The following TIMMDC1 variants were observed in gnomAD, a reference collection of about 807,000 sequenced individuals.
TIMMDC1 encodes the protein translocase of inner mitochondrial membrane domain containing 1.
TIMMDC1 carries 25 observed loss-of-function variants against 32.6 expected under a neutral mutation model. The observed-to-expected ratio is 0.77, with a 90% CI of 0.56 to 1.07. TIMMDC1 has a LOEUF of 1.07. TIMMDC1 is among the 50% of genes least tolerant of loss of function. TIMMDC1 has a pLI of 0.00. For synonymous variants in TIMMDC1, 130 were observed against 127.6 expected (o/e 1.02, Z -0.13); for missense variants, 329 against 349.2 (o/e 0.94, Z 0.46).
chr3:119,503,622 T>G lies in TIMMDC1; in HGVS notation c.449+2T>G. The G allele has an allele frequency of 6.3e-7, 1 of 1,599,980 alleles. No homozygotes were observed. Among genetic ancestry groups the G allele is most frequent in the Non-Finnish European group, 8.5e-7 (1 of 1,172,596 alleles). On this transcript the variant is annotated splice_donor_variant, in intron 3 of 6. Coordinates refer to ENST00000494664, the MANE Select transcript of TIMMDC1 (RefSeq NM_016589.4). LOFTEE classifies it high-confidence loss of function. Reference sequence around the variant, plus strand: ...TGCAGTGTTTGTGACTATATTCAAGTAAGTTCACTCTGAATTGTGAGATAG... The same window carrying G: ...TGCAGTGTTTGTGACTATATTCAAGGAAGTTCACTCTGAATTGTGAGATAG...
chr3:119,517,147 C>G (rs1184509566), intron 5 of TIMMDC1, 58 bp from the exon 6 acceptor site: 1 of 1,049,894 alleles, frequency 9.5e-7, no homozygotes, highest in East Asian at 2.4e-5. Flanking sequence ...GAGAATCTCA[C>G]ATGTTGCAAG....
intron 6 of TIMMDC1, among the ~76,000 whole-genome samples, chr3:119,517,877 G>T (rs912052161): frequency 6.6e-6 from 1 of 152,020 alleles, no homozygotes; most frequent in African/African-American, 2.4e-5. Context: ...GCTGAGGCAG[G>T]AGAATCACTT....
chr3:119,502,080 TGTTA>T (rs1462623958), intron 2 of TIMMDC1, among the ~76,000 whole-genome samples: 2 of 152,202 alleles, frequency 1.3e-5, no homozygotes, highest in Admixed American at 6.5e-5. Context: ...TTTGAGTACT[TGTTA>T]GTTCCTTTGA....
intron 2 of TIMMDC1, among the ~76,000 whole-genome samples, chr3:119,502,352 C>G (rs1033231361): frequency 1.3e-5 from 2 of 151,954 alleles, no homozygotes; most frequent in Non-Finnish European, 2.9e-5. Context: ...GTCTCAGCCT[C>G]CCAAGTAGCT....
intron 3 of TIMMDC1, 127 bp downstream of exon 3, chr3:119,503,747 T>A (rs2081896812): frequency 2.3e-6 from 2 of 886,552 alleles, no homozygotes; most frequent in Non-Finnish European, 3.4e-6. Flanking sequence ...CCTTTTTTTT[T>A]TTTTCAAGAA....
At position 119,498,887 on chromosome 3, in the gene TIMMDC1, G is replaced by C. The variant is rs200800520; in HGVS notation, c.154G>C (p.Glu52Gln). ...LPYVPEPYYP[E>Q]SGWDRLRELF... The stretch of plus-strand genomic sequence containing the variant: ...CTACGTCCCAGAGCCCTATTACCCG[G>C]AATCTGGATGGGACCGCCTCCGGGA... The change falls in exon 1 of 7, where the codon GAA becomes CAA. Residue 52 changes from glutamate to glutamine, a missense_variant. Transcript: ENST00000494664. 9.9e-6 allele frequency: 16 copies of C among 1,614,064 alleles called. No homozygotes were observed. Among genetic ancestry groups the C allele is most frequent in the East Asian group, 6.7e-5 (3 of 44,878 alleles).
chr3:119,503,381 C>T (rs1376130168), intron 2 of TIMMDC1, 151 bp from the exon 3 acceptor site: 7 of 582,780 alleles, frequency 1.2e-5, no homozygotes, highest in Non-Finnish European at 1.8e-5. Context: ...AGCCTCAATA[C>T]TTAAAGAATA....
At chr3:119,508,274 C>G (rs72952934) in intron 4 of TIMMDC1, among the ~76,000 whole-genome samples, 16,080 of 152,080 alleles carry the variant, frequency 0.11, 2,084 homozygotes, top group African/African-American at 0.31. Flanking sequence ...AGCAATTTAT[C>G]ATTTATAGTC....
At chr3:119,519,497 T>C (rs1046250475) in intron 6 of TIMMDC1, among the ~76,000 whole-genome samples, 20 of 150,666 alleles carry the variant, frequency 1.3e-4, no homozygotes, top group African/African-American at 4.9e-4. Flanking sequence ...AATAAAAAAC[T>C]ATAAAAAGAG....
At position 119,523,642 on chromosome 3, in the gene TIMMDC1, G is replaced by A. The variant is rs755833379; in HGVS notation, c.744G>A (p.Glu248=). The A allele has an allele frequency of 6.2e-7, 1 of 1,612,706 alleles. No homozygotes were observed. The highest frequency in any genetic ancestry group is 1.1e-5 in the South Asian group (1 of 90,852). The change falls in exon 7 of 7, where the codon GAG becomes GAA. Residue 248 remains glutamate, a synonymous_variant. Transcript: ENST00000494664. ...GRLQVTEHLP[E]KIESSLQEDE... ...TACAAGTTACTGAGCACCTCCCTGA[G>A]AAAATTGAAAGTAGTTTACAGGAAG...
chr3:119,519,998 T>C (rs1577103008), intron 6 of TIMMDC1, among the ~76,000 whole-genome samples: 2 of 152,152 alleles, frequency 1.3e-5, no homozygotes, highest in South Asian at 2.1e-4. Context: ...AATAATATGC[T>C]CTGGAACAAC....
At chr3:119,514,366 G>A (rs2081972619) in intron 5 of TIMMDC1, among the ~76,000 whole-genome samples, 1 of 152,072 alleles carries the variant, frequency 6.6e-6, no homozygotes, top group Non-Finnish European at 1.5e-5. Context: ...AACTGTTTGA[G>A]ACCTCATGAT....
chr3:119,502,165 A>G (rs1386264146), intron 2 of TIMMDC1, among the ~76,000 whole-genome samples: 2 of 152,112 alleles, frequency 1.3e-5, no homozygotes, highest in African/African-American at 4.8e-5. Flanking sequence ...TAATATTTCT[A>G]CTATCTAAAA....
intron 3 of TIMMDC1, 118 bp downstream of exon 3, chr3:119,503,738 C>CT (rs11358423): frequency 0.059 from 39,023 of 660,270 alleles, 113 homozygotes; most frequent in Non-Finnish European, 0.068. Context: ...TTAATAATGC[C>CT]TTTTTTTTTT....
chr3:119,513,973 T>C (rs1016548967), intron 5 of TIMMDC1, among the ~76,000 whole-genome samples: 3 of 152,168 alleles, frequency 2.0e-5, no homozygotes, highest in Non-Finnish European at 2.9e-5. Flanking sequence ...AATACAACTA[T>C]CTAAGATAGG....
intron 1 of TIMMDC1, among the ~76,000 whole-genome samples, chr3:119,499,564 C>T (rs976609079): frequency 4.6e-5 from 7 of 151,896 alleles, no homozygotes; most frequent in Non-Finnish European, 1.0e-4. Context: ...ATTACAGTTG[C>T]CCACTACCAT....
chr3:119,506,380 A>G (rs1351340224), intron 4 of TIMMDC1, among the ~76,000 whole-genome samples: 1 of 152,166 alleles, frequency 6.6e-6, no homozygotes, highest in East Asian at 1.9e-4. Context: ...TTATCTGGGC[A>G]TGGTGATTCA....
At chr3:119,517,929 C>A (rs946454692) in intron 6 of TIMMDC1, among the ~76,000 whole-genome samples, 1 of 151,796 alleles carries the variant, frequency 6.6e-6, no homozygotes, top group African/African-American at 2.4e-5. Flanking sequence ...TGATTGTGCT[C>A]CAGCCTGGGC....
At chr3:119,504,946 C>T (rs1017846159) in intron 4 of TIMMDC1, among the ~76,000 whole-genome samples, 1 of 151,984 alleles carries the variant, frequency 6.6e-6, no homozygotes, top group African/African-American at 2.4e-5. Context: ...GGTGTGGTGG[C>T]AGGTGCCTGT....
Sources: allele counts gnomAD v4.1 joint callset (sites outside exome capture counted in the v4.1 genomes callset), GRCh38; gene constraint gnomAD v4.1.1; transcripts MANE v1.5; gene names NCBI Gene and HGNC (gene_info 2026-07-23, HGNC 2026-07-21).